GDPD3: variants seen among roughly 807,000 people sequenced by gnomAD.
GDPD3 encodes glycerophosphodiester phosphodiesterase domain containing 3, also known as lysophospholipase D GDPD3.
Under a neutral mutation model 43.7 loss-of-function variants are expected in GDPD3, and 40 were observed. The observed-to-expected ratio is 0.91, with a 90% CI of 0.71 to 1.19. The LOEUF (loss-of-function observed/expected upper bound fraction) is 1.19, where lower values mean the gene tolerates loss of function less well. GDPD3 is among the 50% of genes most tolerant of loss of function. The pLI, the probability that GDPD3 is intolerant of heterozygous loss-of-function variation, is 0.00. For synonymous variants in GDPD3, 145 were observed against 162.9 expected (o/e 0.89, Z 0.84); for missense variants, 363 against 415.8 (o/e 0.87, Z 1.11).
rs113091799 is a variant in GDPD3, at chr16:30,107,986, G to GACACAC, written c.819+221_819+226dup. The GACACAC allele has an allele frequency of 5.7e-3, 1,546 of 269,250 alleles. 28 individuals are homozygous for GACACAC. The highest frequency in any genetic ancestry group is 0.041 in the Admixed American group (780 of 18,838). The allele number at this position is 269,250 out of a possible 1,614,324, so 16.7% of individuals were successfully genotyped here. A position where few individuals can be genotyped will look rare whatever the true frequency, so the allele number is the denominator to read the frequency against. On this transcript the variant is annotated intron_variant, in intron 9 of 9. Transcript: ENST00000406256. ...GCCTGGGTGACAGAGTGAGACTCTTGACACACACACACACACACACACACA... is the reference window on the plus strand; with the variant it reads ...GCCTGGGTGACAGAGTGAGACTCTTGACACACACACACACACACACACACACACACA...
rs374835162 is a variant in GDPD3 at position 30,112,398 on chromosome 16, G to A, written c.391C>T (p.Arg131Cys). The A allele has an allele frequency of 5.3e-5, 86 of 1,613,760 alleles. No homozygotes were observed. Among genetic ancestry groups the A allele is most frequent in the Non-Finnish European group, 5.9e-5 (70 of 1,179,746 alleles). ...AACAGGTCCTCCAGACGAACCATGC[G>A]CCGGTCTGACCCGTGAGCAAAGTGG... The part of the protein sequence containing the change: ...PGHFAHGSDR[R>C]MVRLEDLFQR... Residue 131 changes from arginine to cysteine, a missense_variant, in exon 5 of 10, where the codon CGC (arginine) becomes TGC (cysteine). Physicochemically the swap from Arg to Cys is radical, Grantham distance 180. Transcript: ENST00000406256. This position sits in a 1 kb window ranked among gnomAD's most constrained non-coding sequence, Gnocchi z 5.4.
chr16:30,109,854 T>A (rs968664591), intron 7 of GDPD3, among the ~76,000 whole-genome samples: 11 of 152,248 alleles, frequency 7.2e-5, no homozygotes, highest in Middle Eastern at 3.4e-3. Flanking sequence ...CGTGAGCCAC[T>A]GTGCCCATTG....
intron 7 of GDPD3, chr16:30,110,864 A>AAAAAAAAAAAAAAAAAAAG (rs1450489345): frequency 4.6e-5 from 7 of 151,606 alleles, no homozygotes; most frequent in South Asian, 2.0e-4. Flanking sequence ...CTGTCTCAAA[A>AAAAAAAAAAAAAAAAAAAG]AAAAAAAAAA....
intron 7 of GDPD3, chr16:30,111,119 C>T (rs2151041313): frequency 8.3e-6 from 3 of 361,898 alleles, no homozygotes; most frequent in South Asian, 6.8e-5. Flanking sequence ...TATAACTGCA[C>T]CTGGGACAGA....
At chr16:30,105,130 CT>C in intron 9 of GDPD3, 121 bp from the exon 10 acceptor site, 1 of 853,524 alleles carries the variant, frequency 1.2e-6, no homozygotes, top group Non-Finnish European at 1.8e-6. Context: ...TTGTTAAATT[CT>C]CAGGAATTTT....
rs2072903606 is a variant in GDPD3, at chr16:30,112,113, G to A, written c.573+19C>T. The stretch of plus-strand genomic sequence containing the variant: ...CCCCTGGAGGAGGAAGAGGACGGGG[G>A]AGGGGTGGGGGGACTCACGGCAGCC... On this transcript the variant is annotated intron_variant, in intron 6 of 9. Transcript: ENST00000406256. This position sits in a 1 kb window ranked among gnomAD's most constrained non-coding sequence, Gnocchi z 5.4. The A allele has an allele frequency of 2.5e-6, 4 of 1,600,686 alleles. No individual in the cohort carries two copies. The South Asian group carries it at 3.3e-5, about 13-fold the overall frequency.
chr16:30,109,834 C>T (rs2072887124), intron 7 of GDPD3, among the ~76,000 whole-genome samples: 1 of 152,064 alleles, frequency 6.6e-6, no homozygotes, highest in Non-Finnish European at 1.5e-5. Flanking sequence ...AAAAAACCCA[C>T]AAAAAACCTC....
rs1034417698 is a variant in GDPD3, at chr16:30,113,330, C to T, written c.139+10G>A. The T allele has an allele frequency of 6.9e-6, 11 of 1,589,766 alleles. No individual in the cohort carries two copies. The highest frequency in any genetic ancestry group is 6.7e-5 in the African/African-American group (5 of 74,530). On this transcript the variant is annotated intron_variant, in intron 1 of 9. Coordinates refer to ENST00000406256, the MANE Select transcript of GDPD3 (RefSeq NM_024307.3). The surrounding 1 kb of genome is among the most constrained non-coding windows in gnomAD (Gnocchi z 5.9). ...ACTTTGGCACCTGTTCTCACCCCTA[C>T]CCGGCTCACCTCCTCGGTGGGCCCC...
At chr16:30,105,034 T>C in intron 9 of GDPD3, 25 bp from the exon 10 acceptor site, 1 of 1,576,094 alleles carries the variant, frequency 6.3e-7, no homozygotes, top group East Asian at 2.3e-5. Context: ...AGGGGGCCTG[T>C]AGATTCTGAA....
At position 30,112,012 on chromosome 16, in the gene GDPD3, C is replaced by A; in HGVS notation, c.573+120G>T. Reference sequence around the variant, plus strand: ...CACACCCTTTTCATTGCCACCGCCACGCCACTGGGAACTCTCCCAGACCCC... The same window carrying A: ...CACACCCTTTTCATTGCCACCGCCAAGCCACTGGGAACTCTCCCAGACCCC... On this transcript the variant is annotated intron_variant, in intron 6 of 9. Transcript: ENST00000406256. This position sits in a 1 kb window ranked among gnomAD's most constrained non-coding sequence, Gnocchi z 5.4. 1.4e-6 allele frequency: 1 copy of A among 714,196 alleles called. No homozygotes were observed. Among genetic ancestry groups the A allele is most frequent in the Non-Finnish European group, 2.4e-6 (1 of 411,788 alleles). The allele number at this position is 714,196 out of a possible 1,614,324, so 44.2% of individuals were successfully genotyped here.
chr16:30,111,735 C>G (rs558573236), intron 6 of GDPD3: 101 of 572,662 alleles, frequency 1.8e-4, no homozygotes, highest in Admixed American at 8.0e-4. Context: ...GAGTTCAAGA[C>G]CAGCCTGGCT....
rs753503124 is a variant in GDPD3, at chr16:30,113,345, C to T, written c.134G>A (p.Arg45Gln). 5.6e-6 allele frequency: 9 copies of T among 1,599,914 alleles called. No individual in the cohort carries two copies. The highest frequency in any genetic ancestry group is 2.2e-5 in the East Asian group (1 of 44,710). The part of the protein sequence containing the change: ...PTFRIRLGAH[R>Q]GGSGELLENT... ...CTCACCCCTACCCGGCTCACCTCCT[C>T]GGTGGGCCCCCAGGCGGATGCGGAA... is the stretch of plus-strand genomic sequence containing the variant. The change falls in exon 1 of 10, where the codon CGA (arginine) becomes CAA (glutamine). Residue 45 changes from arginine to glutamine, a missense_variant. Transcript: ENST00000406256. The surrounding 1 kb of genome is among the most constrained non-coding windows in gnomAD (Gnocchi z 5.9).
At chr16:30,111,342 C>G in intron 7 of GDPD3, 46 bp downstream of exon 7, 1 of 1,604,646 alleles carries the variant, frequency 6.2e-7, no homozygotes, top group Non-Finnish European at 8.5e-7. Context: ...TCCACGGAGA[C>G]CCTAAGCAGT....
intron 7 of GDPD3, 169 bp from the exon 8 acceptor site, chr16:30,108,601 A>T (rs1299304034): frequency 3.2e-6 from 2 of 633,824 alleles, no homozygotes; most frequent in Admixed American, 2.5e-5. Context: ...CATTGTTCAG[A>T]GAGCCTACTC....
Position 30,112,494 on chromosome 16 carries a change from C to G in GDPD3, c.364+29G>C, listed in dbSNP as rs763866245. On this transcript the variant is annotated intron_variant, in intron 4 of 9. Coordinates refer to ENST00000406256, the MANE Select transcript of GDPD3 (RefSeq NM_024307.3). This position sits in a 1 kb window ranked among gnomAD's most constrained non-coding sequence, Gnocchi z 5.4. ...AGGTCCAAGGAAGGCAGGCATGGCC[C>G]AGGCAGGGCTCGAAGCCCTTGCTCT... The G allele has an allele frequency of 1.2e-6, 2 of 1,613,898 alleles. No individual in the cohort carries two copies. The highest frequency in any genetic ancestry group is 2.7e-5 in the African/African-American group (2 of 74,916).
rs2072906546 is a variant in GDPD3 at position 30,112,269 on chromosome 16, C to T, written c.483+37G>A. 3 of 1,612,572 alleles carry T rather than the reference C, an allele frequency of 1.9e-6. No individual in the cohort carries two copies. Among genetic ancestry groups the T allele is most frequent in the African/African-American group, 2.7e-5 (2 of 75,018 alleles). On this transcript the variant is annotated intron_variant, in intron 5 of 9. Coordinates refer to ENST00000406256, the MANE Select transcript of GDPD3 (RefSeq NM_024307.3). This position sits in a 1 kb window ranked among gnomAD's most constrained non-coding sequence, Gnocchi z 5.4. Reference sequence around the variant, plus strand: ...AAGGGAGAGCCAGGCCTCTCTCACGCCCCCGGTGGCCGCCCTAGCCCTGCC... The same window carrying T: ...AAGGGAGAGCCAGGCCTCTCTCACGTCCCCGGTGGCCGCCCTAGCCCTGCC...
intron 8 of GDPD3, 49 bp downstream of exon 8, chr16:30,108,324 C>T (rs1287385165): frequency 6.2e-7 from 1 of 1,613,018 alleles, no homozygotes; most frequent in East Asian, 2.2e-5. Context: ...AGAAGGGCAG[C>T]AGTAGGTCTC....
chr16:30,112,505 C>G lies in GDPD3; in HGVS notation c.364+18G>C, dbSNP rs201916465. On this transcript the variant is annotated intron_variant, in intron 4 of 9. Transcript: ENST00000406256. The surrounding 1 kb of genome is among the most constrained non-coding windows in gnomAD (Gnocchi z 5.4). ...AGGCAGGCATGGCCCAGGCAGGGCT[C>G]GAAGCCCTTGCTCTCACCTGGAGAG... 1.9e-6 allele frequency: 3 copies of G among 1,613,886 alleles called. No individual in the cohort carries two copies. The highest frequency in any genetic ancestry group is 1.7e-5 in the Admixed American group (1 of 59,988).
At chr16:30,108,537 CCCCCCAGAAT>C (rs1195569526) in intron 7 of GDPD3, 105 bp from the exon 8 acceptor site, 5 of 984,572 alleles carry the variant, frequency 5.1e-6, no homozygotes, top group Non-Finnish European at 8.1e-6. Context: ...TGCCCTCCCA[CCCCCCAGAAT>C]CCCCCAGAAT....
Sources: gnomAD v4.1 joint callset for allele counts (sites outside exome capture counted in the v4.1 genomes callset) on GRCh38, gnomAD v4.1.1 for gene constraint, Gnocchi (gnomAD v3.1) non-coding constraint, MANE v1.5 for transcripts, NCBI Gene and HGNC (gene_info 2026-07-23, HGNC 2026-07-21) for gene names.